The following CFAP47 variants were observed in gnomAD, a reference collection of about 807,000 sequenced individuals.
The protein encoded by CFAP47 is cilia- and flagella-associated protein 47.
A neutral mutation model predicts 148.1 loss-of-function variants in CFAP47; 29 were observed. The ratio of observed to expected loss-of-function variants is 0.20; its 90% CI spans 0.15 to 0.27. The LOEUF (loss-of-function observed/expected upper bound fraction) is 0.27, where lower values mean the gene tolerates loss of function less well. Ranked by LOEUF, CFAP47 falls within the 10% of genes least tolerant of loss-of-function variation. The pLI, the probability that CFAP47 is intolerant of heterozygous loss-of-function variation, is 1.00. For missense variants in CFAP47, 1,872 were observed against 1,697.5 expected, an observed-to-expected ratio of 1.10 and a Z score of -1.81; for synonymous variants, 664 against 577.3, an observed-to-expected ratio of 1.15 and a Z score of -2.15.
chrX:36,306,683 A>ACCC, intron 54 of CFAP47, 89 bp from the exon 55 acceptor site: 1 of 462,713 alleles, frequency 2.2e-6, no homozygotes, highest in Non-Finnish European at 3.8e-6. Context: ...ACAAACATCG[A>ACCC]CCCTGCATAT....
chrX:36,335,098 T>G (rs1379629087), intron 57 of CFAP47, among the ~76,000 whole-genome samples: 1 of 111,210 alleles, frequency 9.0e-6, no homozygotes, highest in Non-Finnish European at 1.9e-5. Flanking sequence ...TTATCTGTAT[T>G]TAAATATCTA....
chrX:36,251,726 T>C (rs1483707904), intron 49 of CFAP47, among the ~76,000 whole-genome samples: 4 of 111,703 alleles, frequency 3.6e-5, no homozygotes, highest in Admixed American at 2.9e-4. Context: ...ATTTAAAATG[T>C]GATAAATACT....
At chrX:36,281,102 G>C (rs1223904090) in intron 50 of CFAP47, among the ~76,000 whole-genome samples, 1 of 111,658 alleles carries the variant, frequency 9.0e-6, no homozygotes, top group Non-Finnish European at 1.9e-5. Context: ...CAAGTTCCAA[G>C]TAAAATAAGG....
intron 15 of CFAP47, among the ~76,000 whole-genome samples, chrX:35,985,030 G>T (rs980634963): frequency 2.7e-5 from 3 of 111,774 alleles, no homozygotes; most frequent in African/African-American, 9.8e-5. Context: ...GTCTGATAAT[G>T]TCAGTGGGAT....
intron 51 of CFAP47, among the ~76,000 whole-genome samples, chrX:36,288,835 C>T (rs1556005072): frequency 9.0e-6 from 1 of 110,727 alleles, no homozygotes; most frequent in African/African-American, 3.3e-5. Flanking sequence ...GAGTTTGAGA[C>T]CAGCCTGGGC....
At chrX:36,122,135 C>A (rs2146814158) in intron 33 of CFAP47, among the ~76,000 whole-genome samples, 1 of 111,051 alleles carries the variant, frequency 9.0e-6, no homozygotes, top group Non-Finnish European at 1.9e-5. Context: ...CTGTCCTGGC[C>A]TATAAGGTTT....
chrX:36,066,623 A>G (rs996879579), intron 27 of CFAP47, among the ~76,000 whole-genome samples: 9 of 111,457 alleles, frequency 8.1e-5, no homozygotes, highest in African/African-American at 2.9e-4. Context: ...TTATTCCTTT[A>G]TCTGAATCCC....
At chrX:36,154,532 T>C (rs1939344150) in intron 37 of CFAP47, among the ~76,000 whole-genome samples, 1 of 112,385 alleles carries the variant, frequency 8.9e-6, no homozygotes, top group South Asian at 3.7e-4. Flanking sequence ...CTTTATTCTT[T>C]TGAGCCTTCA....
intron 37 of CFAP47, among the ~76,000 whole-genome samples, chrX:36,154,066 C>T (rs767029129): frequency 1.1e-4 from 12 of 111,992 alleles, no homozygotes; most frequent in Non-Finnish European, 2.1e-4. Flanking sequence ...CCTTATCAAA[C>T]AGTTCCTTGC....
At chrX:35,950,640 C>G (rs1936149979) in intron 4 of CFAP47, among the ~76,000 whole-genome samples, 1 of 111,080 alleles carries the variant, frequency 9.0e-6, no homozygotes, top group Admixed American at 9.7e-5. Context: ...GCCCACAGTG[C>G]TAGGATTACA....
intron 56 of CFAP47, among the ~76,000 whole-genome samples, chrX:36,314,613 G>A (rs1941419075): frequency 9.0e-6 from 1 of 111,093 alleles, no homozygotes; most frequent in Non-Finnish European, 1.9e-5. Context: ...AAACCTTTAG[G>A]CTGAACTTAA....
intron 35 of CFAP47, among the ~76,000 whole-genome samples, chrX:36,139,099 A>G (rs1247517500): frequency 8.9e-6 from 1 of 111,931 alleles, no homozygotes; most frequent in Non-Finnish European, 1.9e-5. Context: ...CTGTTAAAAG[A>G]TAATGCTCTA....
At chrX:36,193,122 A>C (rs1343062222) in intron 42 of CFAP47, among the ~76,000 whole-genome samples, 1 of 111,814 alleles carries the variant, frequency 8.9e-6, no homozygotes. Context: ...GTTTTCTCTC[A>C]GTCTTTTGTG....
intron 62 of CFAP47, among the ~76,000 whole-genome samples, chrX:36,373,413 A>C (rs1843606507): frequency 9.0e-6 from 1 of 110,869 alleles, no homozygotes; most frequent in Non-Finnish European, 1.9e-5. Context: ...TACTGAGATT[A>C]TGTATTAGTT....
At chrX:36,023,856 G>C (rs1192926176) in intron 22 of CFAP47, among the ~76,000 whole-genome samples, 1 of 111,706 alleles carries the variant, frequency 9.0e-6, no homozygotes, top group African/African-American at 3.3e-5. Context: ...CTTCAGAGTA[G>C]TGGGCTCCCC....
At chrX:36,362,476 GA>G (rs782442483) in intron 61 of CFAP47, among the ~76,000 whole-genome samples, 13 of 112,585 alleles carry the variant, frequency 1.2e-4, no homozygotes, top group Non-Finnish European at 1.3e-4. Context: ...CCCATCCATG[GA>G]AGGAGGACAT....
At chrX:36,014,587 AT>A (rs1318972398) in intron 21 of CFAP47, among the ~76,000 whole-genome samples, 186 bp from the exon 22 acceptor site, 15 of 110,875 alleles carry the variant, frequency 1.4e-4, no homozygotes, top group Non-Finnish European at 2.5e-4. Context: ...ATTTATTTTT[AT>A]TTTTTTGAAT....
intron 30 of CFAP47, among the ~76,000 whole-genome samples, chrX:36,093,707 A>C (rs748657998): frequency 6.8e-4 from 73 of 107,807 alleles, no homozygotes; most frequent in African/African-American, 1.9e-3. Flanking sequence ...TTTAAAAAGA[A>C]ACAAATATTA....
At chrX:36,034,323 G>A (rs1168997300) in intron 23 of CFAP47, among the ~76,000 whole-genome samples, 1 of 110,761 alleles carries the variant, frequency 9.0e-6, no homozygotes, top group Non-Finnish European at 1.9e-5. Flanking sequence ...TCATATAAAG[G>A]AATACATGAT....
Sources: gnomAD v4.1 joint callset for allele counts (sites outside exome capture counted in the v4.1 genomes callset) on GRCh38, gnomAD v4.1.1 for gene constraint, MANE v1.5 for transcripts, NCBI Gene and HGNC (gene_info 2026-07-23, HGNC 2026-07-21) for gene names.